PLXNC1: variants seen among roughly 807,000 people sequenced by gnomAD.
PLXNC1 encodes the protein plexin C1, also known as plexin-C1.
A neutral mutation model predicts 178.2 loss-of-function variants in PLXNC1; 75 were observed. The ratio of observed to expected loss-of-function variants is 0.42; its 90% confidence interval spans 0.35 to 0.51. The LOEUF is 0.51. Among genes scored for constraint, PLXNC1 ranks in the 20% least tolerant of loss-of-function variants. The pLI, the probability that PLXNC1 is intolerant of heterozygous loss-of-function variation, is 0.02. For missense variants in PLXNC1, 1,503 were observed against 1,984.4 expected (o/e 0.76, Z 4.61); for synonymous variants, 790 against 779.9 (o/e 1.01, Z -0.22).
chr12:94,243,976 A>G lies in PLXNC1; in HGVS notation c.2339A>G (p.Asp780Gly). 1.9e-6 allele frequency: 3 copies of G among 1,600,590 alleles called. No homozygotes were observed. Among genetic ancestry groups the G allele is most frequent in the Non-Finnish European group, 2.6e-6 (3 of 1,169,124 alleles). ...QNITMMGRNFDVIDNLIISHE... is the reference protein window; with the variant it reads ...QNITMMGRNFGVIDNLIISHE... ...ATAACCATGATGGGCAGAAATTTTG[A>G]TGTAATTGACAACTTAATCATTTCA... is the stretch of plus-strand genomic sequence containing the variant. Residue 780 changes from aspartate (D) to glycine (G), a missense_variant, in exon 12 of 31, where the codon GAT (aspartate) becomes GGT (glycine). Asp to Gly is a moderately conservative substitution (Grantham distance 94). Transcript: ENST00000258526.
chr12:94,291,783 C>T (rs111479833), intron 23 of PLXNC1, among the ~76,000 whole-genome samples: 1 of 152,088 alleles, frequency 6.6e-6, no homozygotes, highest in Non-Finnish European at 1.5e-5. Context: ...TTTTTAGATT[C>T]GTGGGTACAT....
At chr12:94,193,646 A>T (rs1962805891) in intron 4 of PLXNC1, among the ~76,000 whole-genome samples, 1 of 152,160 alleles carries the variant, frequency 6.6e-6, no homozygotes, top group African/African-American at 2.4e-5. Context: ...ACCCCAAAAG[A>T]TGGGCACCTG....
intron 21 of PLXNC1, among the ~76,000 whole-genome samples, chr12:94,279,125 A>G (rs1158740432): frequency 1.3e-5 from 2 of 152,184 alleles, no homozygotes; most frequent in Non-Finnish European, 2.9e-5. Flanking sequence ...TGCCTCATCT[A>G]CTGTGGAACC....
intron 28 of PLXNC1, 43 bp from the exon 29 acceptor site, chr12:94,303,710 TTTA>T (rs775267831): frequency 5.9e-6 from 7 of 1,184,434 alleles, no homozygotes; most frequent in East Asian, 3.0e-5. Context: ...TTTTTTTTTT[TTTA>T]CTCTTTTGGT....
chr12:94,245,048 G>A (rs1320765832), intron 12 of PLXNC1, among the ~76,000 whole-genome samples: 1 of 152,156 alleles, frequency 6.6e-6, no homozygotes, highest in Non-Finnish European at 1.5e-5. Context: ...CAAATTCCGG[G>A]GGCCGCCTGA....
chr12:94,307,328 A>ACTAT lies in PLXNC1; in HGVS notation c.*2047_*2050dup, dbSNP rs1165253301. ...GTTTGTCAATCCTCCAGTGAAAAGC[A>ACTAT]CTATCTAGATCACATTTTGGATCAC... On this transcript the variant is annotated 3_prime_UTR_variant, in exon 31 of 31. Transcript: ENST00000258526. The ACTAT allele has an allele frequency of 1.3e-5, 2 of 152,232 alleles. No homozygotes were observed. The highest frequency in any genetic ancestry group is 2.9e-5 in the Non-Finnish European group (2 of 68,044). The allele number at this position is 152,232 out of a possible 1,614,324, so 9.4% of individuals were successfully genotyped here.
In PLXNC1 at chr12:94,300,973, G is replaced by A. The variant is rs771076325; in HGVS notation, c.4302G>A (p.Lys1434=). 6.2e-7 allele frequency: 1 copy of A among 1,613,764 alleles called. No homozygotes were observed. The highest frequency in any genetic ancestry group is 8.5e-7 in the Non-Finnish European group (1 of 1,179,746). The change falls in exon 28 of 31, where the codon AAG becomes AAA. Residue 1434 remains lysine, a synonymous_variant. Coordinates refer to ENST00000258526, the MANE Select transcript of PLXNC1 (RefSeq NM_005761.3). The part of the protein sequence containing the change: ...KNPQFVFDIK[K]TPHIDGCLSV... Reference sequence around the variant, plus strand: ...CTCAGTTTGTCTTTGACATTAAGAAGACACCACATATAGACGGCTGTTTGT... The same window carrying A: ...CTCAGTTTGTCTTTGACATTAAGAAAACACCACATATAGACGGCTGTTTGT...
intron 3 of PLXNC1, among the ~76,000 whole-genome samples, chr12:94,184,522 A>C (rs1377752475): frequency 2.6e-5 from 4 of 152,060 alleles, no homozygotes; most frequent in African/African-American, 9.7e-5. Context: ...TCCTGAGTTC[A>C]AGAGATTCTC....
At chr12:94,165,729 G>A (rs1961584549) in intron 1 of PLXNC1, among the ~76,000 whole-genome samples, 2 of 152,010 alleles carry the variant, frequency 1.3e-5, no homozygotes, top group South Asian at 2.1e-4. Context: ...GAAGGTCTGC[G>A]GCTCAGTGGT....
At chr12:94,174,898 C>G (rs148276359) in intron 2 of PLXNC1, among the ~76,000 whole-genome samples, 1 of 152,200 alleles carries the variant, frequency 6.6e-6, no homozygotes, top group Non-Finnish European at 1.5e-5. Context: ...GCAGGGACTC[C>G]CCAGTTTGAA....
At chr12:94,224,570 T>C (rs776651964) in intron 7 of PLXNC1, among the ~76,000 whole-genome samples, 1 of 152,064 alleles carries the variant, frequency 6.6e-6, no homozygotes, top group Non-Finnish European at 1.5e-5. Context: ...CAGGGAAATA[T>C]GTCTTCCCAG....
intron 5 of PLXNC1, among the ~76,000 whole-genome samples, chr12:94,216,116 A>G (rs1300663007): frequency 2.0e-5 from 3 of 152,096 alleles, no homozygotes; most frequent in Non-Finnish European, 4.4e-5. Flanking sequence ...AAATACAAAA[A>G]AATTAGCCAG....
chr12:94,149,953 C>T lies in PLXNC1; in HGVS notation c.982C>T (p.Leu328Phe), dbSNP rs1307339819. Residue 328 changes from leucine to phenylalanine, a missense_variant, in exon 1 of 31, where the codon CTC becomes TTC. Leu to Phe is a conservative substitution (Grantham distance 22). This residue lies in a region of PLXNC1 where 615 missense variants were observed against 698.6 expected (regional missense o/e 0.88). Coordinates refer to ENST00000258526, the MANE Select transcript of PLXNC1 (RefSeq NM_005761.3). ...GCGGCGCTCCCCCACCACCACGGCG[C>T]TCTGCCTCTTCAGAATGAGTGAGAT... Reference protein sequence around the residue: ...QERRSPTTTALCLFRMSEIQA... With the variant: ...QERRSPTTTAFCLFRMSEIQA... 1 of 1,588,970 alleles carries T rather than the reference C, an allele frequency of 6.3e-7. No homozygotes were observed. Among genetic ancestry groups the T allele is most frequent in the Admixed American group, 1.8e-5 (1 of 56,584 alleles).
At position 94,244,435 on chromosome 12, in the gene PLXNC1, G is replaced by T. The variant is rs376924071; in HGVS notation, c.2388+410G>T. Among the ~76,000 whole-genome samples, 24 of 152,330 alleles carry T rather than the reference G, an allele frequency of 1.6e-4. No individual in the cohort carries two copies. In the East Asian group the frequency reaches 3.1e-3, roughly 20 times the overall value. Reference sequence around the variant, plus strand: ...GAGAGAGTTGGGTTCACAGAGGTTAGATGACTTGCCAAGGTCCCAGAAATC... The same window carrying T: ...GAGAGAGTTGGGTTCACAGAGGTTATATGACTTGCCAAGGTCCCAGAAATC... On this transcript the variant is annotated intron_variant, in intron 12 of 30. Coordinates refer to ENST00000258526, the MANE Select transcript of PLXNC1 (RefSeq NM_005761.3).
intron 9 of PLXNC1, among the ~76,000 whole-genome samples, chr12:94,231,265 T>C (rs11107466): frequency 0.33 from 50,046 of 151,880 alleles, 8,426 homozygotes; most frequent in East Asian, 0.43. Context: ...TGCGGGTATT[T>C]GAAGCAGAGG....
chr12:94,247,681 G>A (rs906225741), intron 12 of PLXNC1, among the ~76,000 whole-genome samples: 4 of 152,010 alleles, frequency 2.6e-5, no homozygotes, highest in African/African-American at 9.7e-5. Context: ...ACTGTGTGCC[G>A]GGCCCTGATC....
Position 94,239,839 on chromosome 12 carries a change from G to A in PLXNC1, c.2121-646G>A, listed in dbSNP as rs201424307. Reference sequence around the variant, plus strand: ...TGAGATGCCTGGGCTCTTGGTTTAGGCCCCCTTTGAACAGCAGAATTTCCA... The same window carrying A: ...TGAGATGCCTGGGCTCTTGGTTTAGACCCCCTTTGAACAGCAGAATTTCCA... On this transcript the variant is annotated intron_variant, in intron 10 of 30. Coordinates refer to ENST00000258526, the MANE Select transcript of PLXNC1 (RefSeq NM_005761.3). 3.3e-5 allele frequency among the ~76,000 whole-genome samples: 5 copies of A among 152,280 alleles called. No individual in the cohort carries two copies. In the East Asian group the frequency reaches 9.6e-4, roughly 29 times the overall value.
chr12:94,293,886 C>G (rs1967624069), intron 23 of PLXNC1, among the ~76,000 whole-genome samples: 1 of 152,136 alleles, frequency 6.6e-6, no homozygotes, highest in African/African-American at 2.4e-5. Flanking sequence ...TCCCAAAGTG[C>G]TGGGATCGCA....
intron 23 of PLXNC1, among the ~76,000 whole-genome samples, chr12:94,286,545 C>A (rs888814749): frequency 1.5e-5 from 2 of 134,034 alleles, no homozygotes; most frequent in East Asian, 4.7e-4. Context: ...TCCAAAGAGA[C>A]AAGATGCTAA....
Sources: allele counts gnomAD v4.1 joint callset (sites outside exome capture counted in the v4.1 genomes callset), GRCh38; gene constraint gnomAD v4.1.1; regional missense constraint gnomAD v4.1.1; transcripts MANE v1.5; gene names NCBI Gene and HGNC (gene_info 2026-07-23, HGNC 2026-07-21).